The following MSRA variants were observed in gnomAD, a reference collection of about 807,000 sequenced individuals.
MSRA encodes methionine sulfoxide reductase A.
Under a neutral mutation model 31.3 loss-of-function variants are expected in MSRA, and 54 were observed. The observed-to-expected ratio is 1.73, with a 90% CI of 1.39 to 2.17. The LOEUF is 2.17. MSRA is among the 30% of genes most tolerant of loss of function. MSRA has a pLI of 0.00. For missense variants in MSRA, 507 were observed against 300.9 expected, an observed-to-expected ratio of 1.69 and a Z score of -5.07; for synonymous variants, 169 against 116.5, an observed-to-expected ratio of 1.45 and a Z score of -2.90.
intron 2 of MSRA, among the ~76,000 whole-genome samples, chr8:10,225,811 T>C (rs17151388): frequency 0.2 from 30,128 of 152,064 alleles, 3,278 homozygotes; most frequent in East Asian, 0.36. Context: ...TGAAGGGAAC[T>C]AGTGTTTACT....
At chr8:10,115,555 C>G (rs1172401045) in intron 1 of MSRA, among the ~76,000 whole-genome samples, 1 of 152,198 alleles carries the variant, frequency 6.6e-6, no homozygotes, top group Non-Finnish European at 1.5e-5. Context: ...TAATTTGTTG[C>G]CACACGGCCC....
At chr8:10,398,959 C>T (rs1002259513) in intron 5 of MSRA, among the ~76,000 whole-genome samples, 4 of 152,130 alleles carry the variant, frequency 2.6e-5, no homozygotes, top group Non-Finnish European at 5.9e-5. Context: ...GCAGCTTCCA[C>T]TTGAGTGGAG....
At position 10,418,702 on chromosome 8, in the gene MSRA, T is replaced by C. The variant is rs368382290; in HGVS notation, c.544-9446T>C. On this transcript the variant is annotated intron_variant, in intron 5 of 5. Transcript: ENST00000317173. The stretch of plus-strand genomic sequence containing the variant: ...AAAAGTGTCTGTAGGTCAGTTCTTC[T>C]AAGGACTTCTAGAGATAGTAGTGAT... 2.9e-4 allele frequency among the ~76,000 whole-genome samples: 44 copies of C among 150,830 alleles called. No homozygotes were observed. In the South Asian group the frequency reaches 3.6e-3, roughly 12 times the overall value.
intron 1 of MSRA, among the ~76,000 whole-genome samples, chr8:10,102,845 C>T (rs759413015): frequency 6.6e-6 from 1 of 152,034 alleles, no homozygotes; most frequent in Admixed American, 6.6e-5. Context: ...TTCAGGCTAC[C>T]CATAGTTGAT....
At chr8:10,386,328 T>C (rs887506114) in intron 5 of MSRA, among the ~76,000 whole-genome samples, 8 of 152,146 alleles carry the variant, frequency 5.3e-5, no homozygotes, top group East Asian at 1.9e-4. Flanking sequence ...GATAATTTTC[T>C]CTGATCAGAC....
chr8:10,109,340 T>TTC (rs779480476), intron 1 of MSRA, among the ~76,000 whole-genome samples: 14 of 149,236 alleles, frequency 9.4e-5, no homozygotes, highest in Non-Finnish European at 1.5e-4. Context: ...TTCTTTTCTT[T>TTC]TCTTTTTTTT....
At chr8:10,336,655 G>C (rs901608065) in intron 5 of MSRA, 1 of 152,152 alleles carries the variant, frequency 6.6e-6, no homozygotes, top group Non-Finnish European at 1.5e-5. Flanking sequence ...TTGTTGCTCT[G>C]TGTAGCCTTT....
At chr8:10,140,116 TG>T (rs1802586130) in intron 1 of MSRA, among the ~76,000 whole-genome samples, 1 of 152,150 alleles carries the variant, frequency 6.6e-6, no homozygotes, top group Admixed American at 6.5e-5. Flanking sequence ...AGGACAGATG[TG>T]GAGGAGTGTG....
chr8:10,349,510 C>T (rs772717616), intron 5 of MSRA, among the ~76,000 whole-genome samples: 11 of 152,292 alleles, frequency 7.2e-5, no homozygotes, highest in East Asian at 1.9e-4. Context: ...CCTCTGCTTC[C>T]GCATGGCATC....
chr8:10,121,887 C>G (rs1269168621), intron 1 of MSRA, among the ~76,000 whole-genome samples: 1 of 151,266 alleles, frequency 6.6e-6, no homozygotes, highest in African/African-American at 2.4e-5. Flanking sequence ...TGTTATGTTG[C>G]CCAGGCTGGT....
At chr8:10,333,487 G>T (rs1802827620) in intron 5 of MSRA, among the ~76,000 whole-genome samples, 1 of 152,116 alleles carries the variant, frequency 6.6e-6, no homozygotes, top group African/African-American at 2.4e-5. Flanking sequence ...CCACAGGGAG[G>T]TCCCCGATGA....
rs28526244 is a variant in MSRA at position 10,095,258 on chromosome 8, C to G, written c.142+40600C>G. Among the ~76,000 whole-genome samples the G allele has an allele frequency of 1.5e-3, 226 of 152,240 alleles. 3 individuals carry two copies. The highest frequency in any genetic ancestry group is 5.0e-3 in the African/African-American group (207 of 41,544). On this transcript the variant is annotated intron_variant, in intron 1 of 5. Coordinates refer to ENST00000317173, the MANE Select transcript of MSRA (RefSeq NM_012331.5). Reference sequence around the variant, plus strand: ...GTGCATATGTCGCATATGGACATTTCTAGGGAACAGATTCCTTATTGCTGA... The same window carrying G: ...GTGCATATGTCGCATATGGACATTTGTAGGGAACAGATTCCTTATTGCTGA...
intron 1 of MSRA, among the ~76,000 whole-genome samples, chr8:10,156,683 C>T (rs1804180569): frequency 6.6e-6 from 1 of 152,040 alleles, no homozygotes; most frequent in African/African-American, 2.4e-5. Context: ...TATTCTTCCT[C>T]CACTGCCCCT....
chr8:10,062,576 AG>A (rs1421015781), intron 1 of MSRA, among the ~76,000 whole-genome samples: 1 of 152,168 alleles, frequency 6.6e-6, no homozygotes, highest in Non-Finnish European at 1.5e-5. Context: ...GGTTCCTCTG[AG>A]CAGTATCATG....
chr8:10,295,100 C>T (rs570824663), intron 3 of MSRA, among the ~76,000 whole-genome samples: 24 of 152,188 alleles, frequency 1.6e-4, no homozygotes, highest in Middle Eastern at 3.4e-3. Context: ...CTGCTGCTCC[C>T]GTCTCTAAAC....
intron 3 of MSRA, among the ~76,000 whole-genome samples, chr8:10,294,541 C>A (rs1800423015): frequency 6.6e-6 from 1 of 152,156 alleles, no homozygotes; most frequent in Non-Finnish European, 1.5e-5. Context: ...GCAACTCGGG[C>A]ACTCTGGCTC....
At chr8:10,074,825 A>G (rs1431921717) in intron 1 of MSRA, among the ~76,000 whole-genome samples, 1 of 151,808 alleles carries the variant, frequency 6.6e-6, no homozygotes, top group African/African-American at 2.4e-5. Flanking sequence ...TGCCTGGCTA[A>G]TTTTTAGAGA....
rs574243532 is a variant in MSRA at position 10,186,910 on chromosome 8, C to G, written c.143-20923C>G. ...CTTTGGTTTTTGTAAAAATACCAGC[C>G]TTAGATCTTTTTGTGTGAGCTGTCA... On this transcript the variant is annotated intron_variant, in intron 1 of 5. Coordinates refer to ENST00000317173, the MANE Select transcript of MSRA (RefSeq NM_012331.5). 2.0e-5 allele frequency among the ~76,000 whole-genome samples: 3 copies of G among 152,238 alleles called. No homozygotes were observed. In the East Asian group the frequency reaches 5.8e-4, roughly 29 times the overall value.
intron 5 of MSRA, among the ~76,000 whole-genome samples, chr8:10,323,727 G>A (rs1050809494): frequency 4.7e-5 from 6 of 126,364 alleles, no homozygotes; most frequent in African/African-American, 1.6e-4. Flanking sequence ...CTGAACCCAA[G>A]CACATGGGAA....
Sources: gnomAD v4.1 joint callset for allele counts (sites outside exome capture counted in the v4.1 genomes callset) on GRCh38, gnomAD v4.1.1 for gene constraint, MANE v1.5 for transcripts, NCBI Gene and HGNC (gene_info 2026-07-23, HGNC 2026-07-21) for gene names.